The following PALLD variants were observed in gnomAD, a reference collection of about 807,000 sequenced individuals.
PALLD encodes palladin, cytoskeletal associated protein.
Under a neutral mutation model 123.5 loss-of-function variants are expected in PALLD, and 61 were observed. That is an observed-to-expected ratio of 0.49 (90% CI 0.40 to 0.61). The LOEUF (loss-of-function observed/expected upper bound fraction) is 0.61. Ranked by LOEUF, PALLD falls within the 20% of genes least tolerant of loss-of-function variation. PALLD has a pLI of 0.00. For synonymous variants in PALLD, 465 were observed against 496.4 expected, an observed-to-expected ratio of 0.94 and a Z score of 0.84; for missense variants, 1,273 against 1,377.0, an observed-to-expected ratio of 0.92 and a Z score of 1.20.
At chr4:168,801,080 A>G (rs1739255335) in intron 10 of PALLD, among the ~76,000 whole-genome samples, 1 of 152,194 alleles carries the variant, frequency 6.6e-6, no homozygotes. Context: ...TTGCTCAGAG[A>G]TGCATAACTG....
At chr4:168,601,140 C>G (rs893772017) in intron 2 of PALLD, among the ~76,000 whole-genome samples, 13 of 151,826 alleles carry the variant, frequency 8.6e-5, no homozygotes, top group African/African-American at 2.7e-4. Context: ...AACATAGGTC[C>G]AAAATTCCTA....
intron 2 of PALLD, among the ~76,000 whole-genome samples, chr4:168,554,747 T>C (rs911391193): frequency 6.6e-6 from 1 of 152,194 alleles, no homozygotes; most frequent in Admixed American, 6.5e-5. Flanking sequence ...TTAATAATCT[T>C]GATTTCAGAA....
intron 2 of PALLD, among the ~76,000 whole-genome samples, chr4:168,605,385 G>A (rs1773064637): frequency 6.6e-6 from 1 of 152,148 alleles, no homozygotes; most frequent in African/African-American, 2.4e-5. Context: ...AAAAACTGCT[G>A]TTATGTTCAT....
intron 10 of PALLD, among the ~76,000 whole-genome samples, chr4:168,855,263 G>GT (rs1748439170): frequency 6.6e-6 from 1 of 151,934 alleles, no homozygotes; most frequent in Non-Finnish European, 1.5e-5. Flanking sequence ...GCTAATTTTT[G>GT]TATTTTTAGT....
At chr4:168,720,450 G>A (rs909803221) in intron 10 of PALLD, among the ~76,000 whole-genome samples, 5 of 152,040 alleles carry the variant, frequency 3.3e-5, no homozygotes, top group African/African-American at 1.2e-4. Context: ...GTGGACCAGA[G>A]GGGTCTTCAA....
intron 10 of PALLD, among the ~76,000 whole-genome samples, chr4:168,855,168 G>GCAAGCTC (rs1375024373): frequency 1.4e-5 from 2 of 138,210 alleles, no homozygotes; most frequent in Non-Finnish European, 3.0e-5. Flanking sequence ...TTGGCTCACT[G>GCAAGCTC]CAAGCTCCGC....
At chr4:168,802,337 A>G (rs1488124804) in intron 10 of PALLD, among the ~76,000 whole-genome samples, 1 of 152,220 alleles carries the variant, frequency 6.6e-6, no homozygotes, top group Non-Finnish European at 1.5e-5. Flanking sequence ...CCCACTGAAA[A>G]TTGTCCCAGG....
At chr4:168,772,039 T>A (rs1734528296) in intron 10 of PALLD, among the ~76,000 whole-genome samples, 1 of 152,216 alleles carries the variant, frequency 6.6e-6, no homozygotes, top group Non-Finnish European at 1.5e-5. Flanking sequence ...TATGGTTGGT[T>A]AACACACAGA....
chr4:168,810,286 A>G (rs1000030131), intron 10 of PALLD, among the ~76,000 whole-genome samples: 1 of 152,194 alleles, frequency 6.6e-6, no homozygotes, highest in Non-Finnish European at 1.5e-5. Context: ...TCACCAAGCC[A>G]GGTCATTGAA....
At chr4:168,512,511 G>A in intron 2 of PALLD, 99 bp downstream of exon 2, 2 of 1,115,340 alleles carry the variant, frequency 1.8e-6, no homozygotes, top group Admixed American at 2.0e-5. Context: ...TAGCCCTCTG[G>A]AGACTGAGGT....
chr4:168,900,137 A>C (rs1186362438), intron 14 of PALLD, among the ~76,000 whole-genome samples: 2 of 152,146 alleles, frequency 1.3e-5, no homozygotes. Flanking sequence ...CATGTGAACT[A>C]ATTGAGCAAG....
In PALLD at chr4:168,927,382, G is replaced by T. The variant is rs1762697395; in HGVS notation, c.*1202G>T. The T allele has an allele frequency of 4.3e-6, 1 of 232,866 alleles. No individual in the cohort carries two copies. Among genetic ancestry groups the T allele is most frequent in the East Asian group, 6.0e-5 (1 of 16,532 alleles). 14.4% of individuals were successfully genotyped at this position (232,866 alleles called of 1,614,324 possible). Reference sequence around the variant, plus strand: ...TCAAGGAACCCAGGGCCAGCTGGAAGTGTGGAGCACACATGCTGTGGAGCA... The same window carrying T: ...TCAAGGAACCCAGGGCCAGCTGGAATTGTGGAGCACACATGCTGTGGAGCA... On this transcript the variant is annotated 3_prime_UTR_variant, in exon 22 of 22. Transcript: ENST00000505667.
chr4:168,557,979 G>T lies in PALLD; in HGVS notation c.908+45567G>T, dbSNP rs978982155. ...GGTAGCTTTGCTCTCTCTGGTCCTGGTGATGGCTAAAACCAGCTCTTTTTC... is the reference window on the plus strand; with the variant it reads ...GGTAGCTTTGCTCTCTCTGGTCCTGTTGATGGCTAAAACCAGCTCTTTTTC... On this transcript the variant is annotated intron_variant, in intron 2 of 21. Transcript: ENST00000505667. Among the ~76,000 whole-genome samples, 25 of 152,166 alleles carry T rather than the reference G, an allele frequency of 1.6e-4. 1 individual carries two copies. Among genetic ancestry groups the T allele is most frequent in the Admixed American group, 6.5e-5 (1 of 15,278 alleles).
chr4:168,845,343 T>C (rs1414846034), intron 10 of PALLD, among the ~76,000 whole-genome samples: 1 of 152,218 alleles, frequency 6.6e-6, no homozygotes, highest in Non-Finnish European at 1.5e-5. Context: ...AATAGCATCA[T>C]CTGTCTTAGA....
At chr4:168,501,005 T>C (rs763448611) in intron 1 of PALLD, among the ~76,000 whole-genome samples, 2 of 152,014 alleles carry the variant, frequency 1.3e-5, no homozygotes, top group Non-Finnish European at 2.9e-5. Flanking sequence ...CTATATTTTA[T>C]AGTATACCAT....
intron 2 of PALLD, among the ~76,000 whole-genome samples, chr4:168,647,642 A>G (rs1777598695): frequency 6.6e-6 from 1 of 152,046 alleles, no homozygotes; most frequent in African/African-American, 2.4e-5. Context: ...TTAGCTGGGC[A>G]TGGTAGTGCA....
intron 2 of PALLD, among the ~76,000 whole-genome samples, chr4:168,531,031 C>A (rs1304217972): frequency 1.3e-5 from 2 of 152,194 alleles, no homozygotes; most frequent in Non-Finnish European, 2.9e-5. Flanking sequence ...AATTACAGAG[C>A]ATATTTTTAA....
At chr4:168,510,586 T>C (rs1762440291) in intron 1 of PALLD, among the ~76,000 whole-genome samples, 1 of 152,224 alleles carries the variant, frequency 6.6e-6, no homozygotes, top group African/African-American at 2.4e-5. Flanking sequence ...CCCAACCCTT[T>C]TTGTATGCCC....
intron 2 of PALLD, among the ~76,000 whole-genome samples, chr4:168,543,722 C>T (rs1460077172): frequency 1.3e-5 from 2 of 152,282 alleles, no homozygotes; most frequent in African/African-American, 4.8e-5. Flanking sequence ...GATACCCCAC[C>T]TTATAGACAC....
Sources: gnomAD v4.1 joint callset for allele counts (sites outside exome capture counted in the v4.1 genomes callset) on GRCh38, gnomAD v4.1.1 for gene constraint, MANE v1.5 for transcripts, NCBI Gene and HGNC (gene_info 2026-07-23, HGNC 2026-07-21) for gene names.